The following CPA6 variants were observed in gnomAD, a reference collection of about 807,000 sequenced individuals.
CPA6 encodes the protein carboxypeptidase A6.
Under a neutral mutation model 63.3 loss-of-function variants are expected in CPA6, and 58 were observed. The observed-to-expected ratio is 0.92, with a 90% confidence interval of 0.74 to 1.14. CPA6 has a LOEUF of 1.14. CPA6 is among the 50% of genes most tolerant of loss of function. The pLI is 0.00. For synonymous variants in CPA6, 185 were observed against 179.0 expected (o/e 1.03, Z -0.27); for missense variants, 565 against 526.6 (o/e 1.07, Z -0.71).
At chr8:67,494,377 G>C (rs1359070813) in intron 6 of CPA6, among the ~76,000 whole-genome samples, 1 of 151,924 alleles carries the variant, frequency 6.6e-6, no homozygotes. Context: ...ATTTCCCTGA[G>C]TTACTTTCTT....
At chr8:67,480,142 C>T (rs1811327377) in intron 8 of CPA6, among the ~76,000 whole-genome samples, 1 of 151,992 alleles carries the variant, frequency 6.6e-6, no homozygotes, top group South Asian at 2.1e-4. Flanking sequence ...TCAATAAGTG[C>T]CTAACTTGCT....
intron 1 of CPA6, among the ~76,000 whole-genome samples, chr8:67,729,204 G>A (rs762512179): frequency 2.6e-5 from 4 of 152,064 alleles, no homozygotes; most frequent in Non-Finnish European, 4.4e-5. Flanking sequence ...ATCCCCTAGT[G>A]TTTTATTTGC....
chr8:67,525,684 T>C (rs573845542), intron 2 of CPA6, among the ~76,000 whole-genome samples: 2 of 152,330 alleles, frequency 1.3e-5, no homozygotes, highest in Non-Finnish European at 2.9e-5. Flanking sequence ...GAACTACCAA[T>C]TGATACATCA....
In CPA6 at chr8:67,742,208, C is replaced by A. The variant is rs111243668; in HGVS notation, c.116+3806G>T. On this transcript the variant is annotated intron_variant, in intron 1 of 10. Transcript: ENST00000297770. ...TGTTTTCTATCCCTTATGGGCCCTG[C>A]ATGCTTTTCTAATAATGATTCATTA... Among the ~76,000 whole-genome samples, 1,176 of 152,148 alleles carry A rather than the reference C, an allele frequency of 7.7e-3. 14 individuals carry two copies. Among genetic ancestry groups the A allele is most frequent in the African/African-American group, 0.027 (1,118 of 41,500 alleles).
At chr8:67,484,147 G>T (rs1282004299) in intron 7 of CPA6, among the ~76,000 whole-genome samples, 1 of 151,694 alleles carries the variant, frequency 6.6e-6, no homozygotes, top group Non-Finnish European at 1.5e-5. Context: ...TCGGCTCACT[G>T]CAAGTTCCGC....
chr8:67,433,934 T>C, intron 9 of CPA6, 104 bp downstream of exon 9: 1 of 779,410 alleles, frequency 1.3e-6, no homozygotes, highest in South Asian at 1.6e-5. Flanking sequence ...TTTATTAGGA[T>C]AAACACAAAC....
At chr8:67,619,831 C>T (rs987561295) in intron 2 of CPA6, among the ~76,000 whole-genome samples, 2 of 152,222 alleles carry the variant, frequency 1.3e-5, no homozygotes, top group Non-Finnish European at 2.9e-5. Context: ...TTCAGCCCAT[C>T]ACCTGTTCAG....
At chr8:67,566,120 G>C (rs1275557513) in intron 2 of CPA6, among the ~76,000 whole-genome samples, 1 of 152,146 alleles carries the variant, frequency 6.6e-6, no homozygotes, top group Non-Finnish European at 1.5e-5. Context: ...GGAGATAATA[G>C]CCAATTCTCC....
At chr8:67,595,308 A>T (rs112501761) in intron 2 of CPA6, among the ~76,000 whole-genome samples, 2 of 151,956 alleles carry the variant, frequency 1.3e-5, no homozygotes, top group African/African-American at 4.8e-5. Flanking sequence ...GTGCCTCCCC[A>T]TTAGGCTGCT....
At chr8:67,441,555 A>C (rs1459076511) in intron 8 of CPA6, among the ~76,000 whole-genome samples, 2 of 152,194 alleles carry the variant, frequency 1.3e-5, no homozygotes, top group African/African-American at 2.4e-5. Context: ...AAGAGCAGAG[A>C]AGGGCTTATC....
At chr8:67,728,282 A>T (rs1817641923) in intron 1 of CPA6, among the ~76,000 whole-genome samples, 1 of 151,960 alleles carries the variant, frequency 6.6e-6, no homozygotes, top group Non-Finnish European at 1.5e-5. Context: ...GAACTTCTAA[A>T]CCTCATTGGG....
chr8:67,621,542 T>C (rs886756488), intron 2 of CPA6, among the ~76,000 whole-genome samples: 3 of 152,218 alleles, frequency 2.0e-5, no homozygotes, highest in Admixed American at 1.3e-4. Context: ...CATGTTCCAA[T>C]CCCATACTGT....
At chr8:67,558,949 C>A (rs2128974111) in intron 2 of CPA6, among the ~76,000 whole-genome samples, 1 of 152,278 alleles carries the variant, frequency 6.6e-6, no homozygotes, top group African/African-American at 2.4e-5. Flanking sequence ...TTGGTGAAAT[C>A]TTCTTTTAAC....
At chr8:67,622,476 A>T (rs1192612184) in intron 2 of CPA6, among the ~76,000 whole-genome samples, 3 of 152,292 alleles carry the variant, frequency 2.0e-5, no homozygotes, top group South Asian at 2.1e-4. Flanking sequence ...AAACAACCAC[A>T]ATTTGGGGAT....
At chr8:67,498,043 T>C (rs1811758246) in intron 6 of CPA6, among the ~76,000 whole-genome samples, 1 of 152,200 alleles carries the variant, frequency 6.6e-6, no homozygotes, top group Non-Finnish European at 1.5e-5. Flanking sequence ...TGCTGTCTAT[T>C]CTCTTTGTTC....
At chr8:67,660,586 G>C (rs1816087539) in intron 1 of CPA6, among the ~76,000 whole-genome samples, 1 of 142,352 alleles carries the variant, frequency 7.0e-6, no homozygotes, top group Non-Finnish European at 1.5e-5. Flanking sequence ...TGATGTGCCT[G>C]CCTTAGGCTC....
chr8:67,595,461 G>C (rs916273148), intron 2 of CPA6, among the ~76,000 whole-genome samples: 2 of 152,202 alleles, frequency 1.3e-5, no homozygotes, highest in African/African-American at 4.8e-5. Context: ...CTGTCTTTTT[G>C]TTTGTCTGTG....
chr8:67,683,407 A>C (rs1337098543), intron 1 of CPA6, among the ~76,000 whole-genome samples: 1 of 152,110 alleles, frequency 6.6e-6, no homozygotes, highest in African/African-American at 2.4e-5. Context: ...AGGCTCTGCT[A>C]TTTGCAATTC....
chr8:67,531,781 T>C (rs1209675678), intron 2 of CPA6, among the ~76,000 whole-genome samples: 3 of 152,110 alleles, frequency 2.0e-5, no homozygotes, highest in Admixed American at 6.6e-5. Context: ...CAAGCATACA[T>C]AGAATGCTTA....
Sources: allele counts gnomAD v4.1 joint callset (sites outside exome capture counted in the v4.1 genomes callset), GRCh38; gene constraint gnomAD v4.1.1; transcripts MANE v1.5; gene names NCBI Gene and HGNC (gene_info 2026-07-23, HGNC 2026-07-21).